Variants in SUGCT observed in about 807,000 individuals in gnomAD.
SUGCT encodes the protein succinyl-CoA:glutarate CoA-transferase.
A neutral mutation model predicts 55.0 loss-of-function variants in SUGCT; 41 were observed. That is an observed-to-expected ratio of 0.74 (90% confidence interval 0.58 to 0.97). The LOEUF (loss-of-function observed/expected upper bound fraction) is 0.97, where lower values mean the gene tolerates loss of function less well. Among genes scored for constraint, SUGCT ranks in the 50% least tolerant of loss-of-function variants. The pLI is 0.00. For missense variants in SUGCT, 568 were observed against 547.8 expected (o/e 1.04, Z -0.37); for synonymous variants, 187 against 200.4 (o/e 0.93, Z 0.56).
chr7:40,200,629 G>A lies in SUGCT; in HGVS notation c.484+5569G>A, dbSNP rs373643073. Among the ~76,000 whole-genome samples, 83 of 152,242 alleles carry A rather than the reference G, an allele frequency of 5.5e-4. 1 individual carries two copies. The highest frequency in any genetic ancestry group is 1.9e-3 in the African/African-American group (79 of 41,544). ...ACTAAAAACTGAGAGCAGTATGCTT[G>A]AAAAGATACTGCAGAGGTGTGCAGG... is the stretch of plus-strand genomic sequence containing the variant. On this transcript the variant is annotated intron_variant, in intron 6 of 13. Transcript: ENST00000335693.
At chr7:40,447,587 G>A (rs1788911888) in intron 9 of SUGCT, among the ~76,000 whole-genome samples, 1 of 151,968 alleles carries the variant, frequency 6.6e-6, no homozygotes, top group Non-Finnish European at 1.5e-5. Flanking sequence ...GGGAACAAAG[G>A]AACATTCAAG....
intron 12 of SUGCT, among the ~76,000 whole-genome samples, chr7:40,609,366 A>C (rs1798664966): frequency 6.6e-6 from 1 of 151,944 alleles, no homozygotes; most frequent in East Asian, 1.9e-4. Context: ...GGAGATCGAG[A>C]CCATCCTGGC....
At chr7:41,012,064 C>A in the SUGCT span, among the ~76,000 whole-genome samples, 4 of 152,234 alleles carry the variant, frequency 2.6e-5, no homozygotes, top group East Asian at 5.8e-4. Context: ...CAAATGGAGA[C>A]AGTTTGAACT....
At chr7:40,579,682 G>GTAAT (rs1423052627) in intron 12 of SUGCT, among the ~76,000 whole-genome samples, 3 of 152,198 alleles carry the variant, frequency 2.0e-5, no homozygotes, top group Non-Finnish European at 4.4e-5. Flanking sequence ...AGGAGACAGT[G>GTAAT]TAATGCTCAA....
At chr7:40,230,594 T>C (rs758867903) in intron 6 of SUGCT, among the ~76,000 whole-genome samples, 6 of 152,184 alleles carry the variant, frequency 3.9e-5, no homozygotes, top group African/African-American at 4.8e-5. Flanking sequence ...ATTAGTGATC[T>C]ATTGGATATA....
intron 12 of SUGCT, among the ~76,000 whole-genome samples, chr7:40,555,663 G>C (rs1424470247): frequency 6.6e-6 from 1 of 152,170 alleles, no homozygotes; most frequent in Non-Finnish European, 1.5e-5. Flanking sequence ...GAGCCTGACA[G>C]TGTGTATTTC....
chr7:40,566,596 G>A (rs1264634326), intron 12 of SUGCT, among the ~76,000 whole-genome samples: 4 of 152,130 alleles, frequency 2.6e-5, no homozygotes, highest in African/African-American at 9.7e-5. Flanking sequence ...CAGAACCAAG[G>A]ACTTTCTATG....
intron 9 of SUGCT, among the ~76,000 whole-genome samples, chr7:40,431,113 G>A (rs1042028870): frequency 2.9e-5 from 3 of 103,630 alleles, no homozygotes; most frequent in South Asian, 3.6e-4. Context: ...GTGAGACTTC[G>A]TCTCAAAAAA....
At chr7:41,031,533 C>T in the SUGCT span, among the ~76,000 whole-genome samples, 1 of 152,204 alleles carries the variant, frequency 6.6e-6, no homozygotes, top group African/African-American at 2.4e-5. Context: ...CCATCTGTGA[C>T]TTCCACTTCA....
intron 12 of SUGCT, among the ~76,000 whole-genome samples, chr7:40,602,637 C>A (rs895652240): frequency 6.6e-6 from 1 of 152,162 alleles, no homozygotes; most frequent in African/African-American, 2.4e-5. Flanking sequence ...ACTCATATAG[C>A]CTCCAGTGGT....
At chr7:40,141,937 G>A in intron 1 of SUGCT, 1 of 279,070 alleles carries the variant, frequency 3.6e-6, no homozygotes, top group Non-Finnish European at 7.4e-6. Context: ...TGGCCCCGCT[G>A]CTGTGTCATT....
chr7:40,236,032 T>A (rs1303151100), intron 6 of SUGCT, among the ~76,000 whole-genome samples: 1 of 152,034 alleles, frequency 6.6e-6, no homozygotes, highest in Non-Finnish European at 1.5e-5. Context: ...TTATGTAGCT[T>A]CTGATACAAC....
intron 13 of SUGCT, among the ~76,000 whole-genome samples, chr7:40,804,677 A>ACAAAGT (rs915018491): frequency 3.3e-5 from 5 of 152,206 alleles, no homozygotes; most frequent in Admixed American, 3.3e-4. Flanking sequence ...GTACTCAGAG[A>ACAAAGT]CAAAGTCCTT....
At chr7:40,474,507 C>T (rs1272527831) in intron 11 of SUGCT, among the ~76,000 whole-genome samples, 1 of 152,118 alleles carries the variant, frequency 6.6e-6, no homozygotes, top group Admixed American at 6.6e-5. Context: ...AGGTGCCATC[C>T]AGCACACTCG....
intron 9 of SUGCT, among the ~76,000 whole-genome samples, chr7:40,338,535 C>G (rs917104542): frequency 6.6e-6 from 1 of 152,192 alleles, no homozygotes; most frequent in African/African-American, 2.4e-5. Flanking sequence ...TCCAGTGGAT[C>G]GAATCGGCTG....
chr7:40,261,230 A>G (rs1791204224), intron 7 of SUGCT, among the ~76,000 whole-genome samples: 1 of 152,344 alleles, frequency 6.6e-6, no homozygotes, highest in East Asian at 1.9e-4. Flanking sequence ...TCATAGAACA[A>G]TGAATAAGAG....
chr7:41,032,952 C>T, the SUGCT span, among the ~76,000 whole-genome samples: 1 of 152,158 alleles, frequency 6.6e-6, no homozygotes, highest in Non-Finnish European at 1.5e-5. Context: ...TTAGTAGACA[C>T]AGGGTTTCAC....
intron 12 of SUGCT, among the ~76,000 whole-genome samples, chr7:40,540,188 A>T (rs935334763): frequency 6.6e-6 from 1 of 152,162 alleles, no homozygotes; most frequent in Admixed American, 6.5e-5. Flanking sequence ...ATATATTAGC[A>T]GCATCCTTTT....
At chr7:40,492,451 G>T (rs1791739284) in intron 11 of SUGCT, among the ~76,000 whole-genome samples, 1 of 152,166 alleles carries the variant, frequency 6.6e-6, no homozygotes, top group South Asian at 2.1e-4. Context: ...GTCCGCATCA[G>T]TGCTGAGTAG....
Sources: gnomAD v4.1 joint callset for allele counts (sites outside exome capture counted in the v4.1 genomes callset) on GRCh38, gnomAD v4.1.1 for gene constraint, MANE v1.5 for transcripts, NCBI Gene and HGNC (gene_info 2026-07-23, HGNC 2026-07-21) for gene names.